ARHGDIB: variants seen among roughly 807,000 people sequenced by gnomAD.
ARHGDIB encodes the protein rho GDP-dissociation inhibitor 2.
A neutral mutation model predicts 22.6 loss-of-function variants in ARHGDIB; 20 were observed. The observed-to-expected ratio is 0.88, with a 90% CI of 0.62 to 1.28. ARHGDIB has a LOEUF of 1.28. ARHGDIB is among the 50% of genes most tolerant of loss of function. ARHGDIB has a pLI of 0.00. For synonymous variants in ARHGDIB, 114 were observed against 96.1 expected, an observed-to-expected ratio of 1.19 and a Z score of -1.09; for missense variants, 254 against 245.4, an observed-to-expected ratio of 1.04 and a Z score of -0.23.
rs927585611 is a variant in ARHGDIB at position 14,950,715 on chromosome 12, T to G, written c.-3A>C. The G allele has an allele frequency of 6.2e-7, 1 of 1,602,840 alleles. No homozygotes were observed. Among genetic ancestry groups the G allele is most frequent in the African/African-American group, 1.4e-5 (1 of 74,038 alleles). ...GGCTCTGGGGCTTTTTCAGTCATTCTGATCTATTTCTGGGAGACAGAATGA... is the reference window on the plus strand; with the variant it reads ...GGCTCTGGGGCTTTTTCAGTCATTCGGATCTATTTCTGGGAGACAGAATGA... On this transcript the variant is annotated 5_prime_UTR_variant, in exon 2 of 6. Transcript: ENST00000228945.
At chr12:14,949,014 T>G (rs1415286026) in intron 3 of ARHGDIB, 1 of 152,304 alleles carries the variant, frequency 6.6e-6, no homozygotes, top group African/African-American at 2.4e-5. Flanking sequence ...AGAGGGGAAC[T>G]ACTCTGCTGC....
intron 3 of ARHGDIB, among the ~76,000 whole-genome samples, chr12:14,949,403 C>T (rs1864112234): frequency 6.6e-6 from 1 of 152,096 alleles, no homozygotes; most frequent in Admixed American, 6.5e-5. Flanking sequence ...TTGCTTCTCA[C>T]CTTCCAGTAA....
intron 5 of ARHGDIB, among the ~76,000 whole-genome samples, chr12:14,943,527 T>C (rs1052832249): frequency 3.3e-5 from 5 of 152,260 alleles, no homozygotes; most frequent in Admixed American, 2.6e-4. Context: ...CTCCATTTCT[T>C]TGTGTATATG....
chr12:14,954,578 T>C (rs1240930982), intron 1 of ARHGDIB, among the ~76,000 whole-genome samples: 1 of 152,228 alleles, frequency 6.6e-6, no homozygotes, highest in African/African-American at 2.4e-5. Context: ...GCTTTTCCCC[T>C]GTTAACTGAA....
intron 2 of ARHGDIB, among the ~76,000 whole-genome samples, 172 bp from the exon 3 acceptor site, chr12:14,950,057 T>G (rs1257411400): frequency 6.6e-6 from 1 of 152,170 alleles, no homozygotes; most frequent in Non-Finnish European, 1.5e-5. Context: ...GCCTTGTAAA[T>G]TACAGCAAAG....
intron 1 of ARHGDIB, among the ~76,000 whole-genome samples, chr12:14,957,691 C>T (rs1471294509): frequency 2.0e-5 from 3 of 152,128 alleles, no homozygotes; most frequent in Non-Finnish European, 2.9e-5. Context: ...AGAGAATTCC[C>T]TCTGGCTCTG....
Position 14,942,480 on chromosome 12 carries a change from A to G in ARHGDIB, c.*42T>C. On this transcript the variant is annotated 3_prime_UTR_variant, in exon 6 of 6. Coordinates refer to ENST00000228945, the MANE Select transcript of ARHGDIB (RefSeq NM_001175.7). Reference sequence around the variant, plus strand: ...ACAGGGTGCTGAACACGCCTGAGAGAATTCTTCCAGGTGGCAAGGGTGGGG... The same window carrying G: ...ACAGGGTGCTGAACACGCCTGAGAGGATTCTTCCAGGTGGCAAGGGTGGGG... 1 of 1,610,332 alleles carries G rather than the reference A, an allele frequency of 6.2e-7. No individual in the cohort carries two copies. Among genetic ancestry groups the G allele is most frequent in the Middle Eastern group, 1.8e-4 (1 of 5,434 alleles).
In ARHGDIB at chr12:14,950,548, A is replaced by G. The variant is rs766761333; in HGVS notation, c.165T>C (p.Asp55=). The G allele has an allele frequency of 1.2e-6, 2 of 1,613,390 alleles. No individual in the cohort carries two copies. Among genetic ancestry groups the G allele is most frequent in the Non-Finnish European group, 8.5e-7 (1 of 1,179,590 alleles). ...CACACATACCTGTCACCACAGGACC[A>G]TCTCCCAGCAGCGTTTTCTTGTACT... The part of the protein sequence containing the change: ...LIKYKKTLLG[D]GPVVTDPKAP... The change falls in exon 2 of 6, where the codon GAT becomes GAC. Residue 55 remains aspartate, a synonymous_variant. Transcript: ENST00000228945.
intron 1 of ARHGDIB, among the ~76,000 whole-genome samples, chr12:14,953,822 TC>T (rs1864236572): frequency 4.9e-5 from 7 of 142,734 alleles, no homozygotes; most frequent in African/African-American, 1.2e-4. Flanking sequence ...TTGCTTGCTC[TC>T]TCTCTCTCTC....
At chr12:14,944,673 T>C (rs1308972507) in intron 5 of ARHGDIB, 103 bp downstream of exon 5, 24 of 1,117,126 alleles carry the variant, frequency 2.1e-5, no homozygotes, top group Non-Finnish European at 2.9e-5. Flanking sequence ...ACAGCTTTTA[T>C]TGTATTCTCA....
rs190642027 is a variant in ARHGDIB, at chr12:14,943,158, G to A, written c.407-437C>T. Among the ~76,000 whole-genome samples, 99 of 152,114 alleles carry A rather than the reference G, an allele frequency of 6.5e-4. 2 individuals carry two copies. In the East Asian group the frequency reaches 0.017, roughly 27 times the overall value. ...ACTGGGATTACAGGTGTGAGCCACC[G>A]CACCTGGCCCTGAGGCATCTTTTTA... On this transcript the variant is annotated intron_variant, in intron 5 of 5. Coordinates refer to ENST00000228945, the MANE Select transcript of ARHGDIB (RefSeq NM_001175.7).
At chr12:14,946,637 A>G (rs1246829080) in intron 4 of ARHGDIB, among the ~76,000 whole-genome samples, 1 of 151,978 alleles carries the variant, frequency 6.6e-6, no homozygotes, top group Non-Finnish European at 1.5e-5. Flanking sequence ...TAATGTGTAA[A>G]CCTGTCCACA....
chr12:14,947,992 T>C, intron 3 of ARHGDIB, 43 bp from the exon 4 acceptor site: 1 of 1,520,062 alleles, frequency 6.6e-7, no homozygotes, highest in Non-Finnish European at 9.1e-7. Context: ...CAAAAGCAGA[T>C]ACACAAGTTA....
At chr12:14,955,616 A>G (rs1239318216) in intron 1 of ARHGDIB, among the ~76,000 whole-genome samples, 1 of 152,204 alleles carries the variant, frequency 6.6e-6, no homozygotes, top group Non-Finnish European at 1.5e-5. Context: ...GTACAATACA[A>G]TATTATTAAG....
intron 1 of ARHGDIB, among the ~76,000 whole-genome samples, chr12:14,954,690 T>C (rs1304057442): frequency 5.3e-5 from 8 of 152,228 alleles, no homozygotes; most frequent in Admixed American, 4.6e-4. Flanking sequence ...CGCATATTTC[T>C]CCTGACCTGC....
Position 14,946,066 on chromosome 12 carries a change from C to T in ARHGDIB, c.343-1227G>A, listed in dbSNP as rs116799236. Among the ~76,000 whole-genome samples, 848 of 152,278 alleles carry T rather than the reference C, an allele frequency of 5.6e-3. 3 individuals carry two copies. Among genetic ancestry groups the T allele is most frequent in the African/African-American group, 0.019 (800 of 41,544 alleles). On this transcript the variant is annotated intron_variant, in intron 4 of 5. Coordinates refer to ENST00000228945, the MANE Select transcript of ARHGDIB (RefSeq NM_001175.7). ...GACAAAGAGTCTACCATCTCACCAG[C>T]GCTCTTCAGTGGGTCCATTTAATAT...
intron 1 of ARHGDIB, among the ~76,000 whole-genome samples, chr12:14,953,926 TTTCC>T (rs549059451): frequency 1.6e-3 from 241 of 150,594 alleles, no homozygotes; most frequent in African/African-American, 3.6e-3. Flanking sequence ...CTCTCCCTTC[TTTCC>T]TTCCTTCCTT....
intron 5 of ARHGDIB, 112 bp downstream of exon 5, chr12:14,944,664 C>T (rs1332635507): frequency 3.5e-5 from 36 of 1,022,884 alleles, no homozygotes; most frequent in African/African-American, 4.9e-5. Flanking sequence ...CCGGCATCCA[C>T]AGCTTTTATT....
In ARHGDIB at chr12:14,942,485, T is replaced by C. The variant is rs1863886451; in HGVS notation, c.*37A>G. 6.2e-7 allele frequency: 1 copy of C among 1,611,838 alleles called. No homozygotes were observed. Among genetic ancestry groups the C allele is most frequent in the South Asian group, 1.1e-5 (1 of 91,000 alleles). On this transcript the variant is annotated 3_prime_UTR_variant, in exon 6 of 6. Transcript: ENST00000228945. ...GTGCTGAACACGCCTGAGAGAATTC[T>C]TCCAGGTGGCAAGGGTGGGGAAAGG...
Sources: gnomAD v4.1 joint callset for allele counts (sites outside exome capture counted in the v4.1 genomes callset) on GRCh38, gnomAD v4.1.1 for gene constraint, MANE v1.5 for transcripts, NCBI Gene and HGNC (gene_info 2026-07-23, HGNC 2026-07-21) for gene names.